The following MYO5B variants were observed in gnomAD, a reference collection of about 807,000 sequenced individuals.
MYO5B encodes the protein myosin VB.
Under a neutral mutation model 229.3 loss-of-function variants are expected in MYO5B, and 143 were observed. The observed-to-expected ratio is 0.62, with a 90% confidence interval of 0.54 to 0.72. The LOEUF (loss-of-function observed/expected upper bound fraction) is 0.72. MYO5B is among the 30% of genes least tolerant of loss of function. MYO5B has a pLI of 0.00. For synonymous variants in MYO5B, 918 were observed against 885.2 expected (o/e 1.04, Z -0.66); for missense variants, 2,321 against 2,331.0 (o/e 1.00, Z 0.09).
chr18:50,034,988 A>C (rs1418025207), intron 4 of MYO5B, among the ~76,000 whole-genome samples: 2 of 152,162 alleles, frequency 1.3e-5, no homozygotes, highest in Non-Finnish European at 2.9e-5. Context: ...TCATTACCCT[A>C]GGGCAAGACA....
At chr18:49,922,230 C>T (rs959469540) in intron 17 of MYO5B, among the ~76,000 whole-genome samples, 6 of 152,236 alleles carry the variant, frequency 3.9e-5, no homozygotes, top group Non-Finnish European at 7.3e-5. Context: ...ATCCACTAAA[C>T]CTCACTTGCT....
At chr18:50,190,012 C>G (rs2033205927) in intron 1 of MYO5B, among the ~76,000 whole-genome samples, 1 of 152,132 alleles carries the variant, frequency 6.6e-6, no homozygotes, top group Non-Finnish European at 1.5e-5. Context: ...CAGACACTAC[C>G]TATCAATTAG....
chr18:49,839,486 T>C lies in MYO5B; in HGVS notation c.4702-192A>G, dbSNP rs184745755. The C allele has an allele frequency of 4.6e-4, 298 of 647,416 alleles. No individual in the cohort carries two copies. In the African/African-American group the frequency reaches 4.9e-3, roughly 11 times the overall value. 40.1% of individuals were successfully genotyped at this position (647,416 alleles called of 1,614,324 possible). A position where few individuals can be genotyped will look rare whatever the true frequency, so the allele number is the denominator to read the frequency against. On this transcript the variant is annotated intron_variant, in intron 35 of 39. Coordinates refer to ENST00000285039, the MANE Select transcript of MYO5B (RefSeq NM_001080467.3). ...ATTGATGACCCTTGAACTTGAAGGATGTAGAAAAACTCAACATGAGAGAGA... is the reference window on the plus strand; with the variant it reads ...ATTGATGACCCTTGAACTTGAAGGACGTAGAAAAACTCAACATGAGAGAGA...
At chr18:50,047,088 T>C (rs1026805903) in intron 2 of MYO5B, among the ~76,000 whole-genome samples, 2 of 152,054 alleles carry the variant, frequency 1.3e-5, no homozygotes, top group Admixed American at 1.3e-4. Context: ...AATTGACAAA[T>C]GGGATCTAAT....
intron 16 of MYO5B, among the ~76,000 whole-genome samples, chr18:49,932,365 C>A (rs1306308881): frequency 1.3e-5 from 2 of 152,176 alleles, no homozygotes; most frequent in Non-Finnish European, 2.9e-5. Flanking sequence ...TGGAGCTGGT[C>A]CCCAGAAGGC....
intron 14 of MYO5B, among the ~76,000 whole-genome samples, chr18:49,949,025 G>C (rs372729564): frequency 5.9e-5 from 9 of 152,136 alleles, no homozygotes; most frequent in African/African-American, 1.7e-4. Context: ...ATGAACTCAG[G>C]GTAAGTAGCT....
rs144277241 is a variant in MYO5B, at chr18:50,153,781, A to C, written c.27+40986T>G. 2.1e-3 allele frequency among the ~76,000 whole-genome samples: 319 copies of C among 151,966 alleles called. 3 individuals carry two copies. Among genetic ancestry groups the C allele is most frequent in the African/African-American group, 7.4e-3 (307 of 41,462 alleles). ...TCTTTATGGAAATAAAATCAACTCT[A>C]CCCTTGAGTGGGGAAGTGAGTGAGT... On this transcript the variant is annotated intron_variant, in intron 1 of 39. Coordinates refer to ENST00000285039, the MANE Select transcript of MYO5B (RefSeq NM_001080467.3).
At chr18:49,955,330 A>G (rs570556370) in intron 12 of MYO5B, among the ~76,000 whole-genome samples, 1 of 152,300 alleles carries the variant, frequency 6.6e-6, no homozygotes, top group African/African-American at 2.4e-5. Flanking sequence ...CCACCACTCA[A>G]ATTGTCAAGG....
chr18:50,171,258 C>T lies in MYO5B; in HGVS notation c.27+23509G>A, dbSNP rs145815906. 2.0e-3 allele frequency among the ~76,000 whole-genome samples: 252 copies of T among 127,892 alleles called. 59 individuals are homozygous for T. Among genetic ancestry groups the T allele is most frequent in the African/African-American group, 6.9e-3 (233 of 33,828 alleles). 83.9% of individuals were successfully genotyped at this position (127,892 alleles called of 152,430 possible). ...TAATCATCCAAGAGATATTAAATAACACTGCAGGCCAACGACAGCAGCAGA... is the reference window on the plus strand; with the variant it reads ...TAATCATCCAAGAGATATTAAATAATACTGCAGGCCAACGACAGCAGCAGA... On this transcript the variant is annotated intron_variant, in intron 1 of 39. Coordinates refer to ENST00000285039, the MANE Select transcript of MYO5B (RefSeq NM_001080467.3).
intron 5 of MYO5B, among the ~76,000 whole-genome samples, chr18:49,999,733 C>T (rs992879887): frequency 5.9e-5 from 9 of 152,312 alleles, no homozygotes; most frequent in South Asian, 2.1e-4. Flanking sequence ...GGTACCCAGA[C>T]GGGCAACACC....
At chr18:50,011,203 G>T (rs1014429625) in intron 4 of MYO5B, among the ~76,000 whole-genome samples, 1 of 152,126 alleles carries the variant, frequency 6.6e-6, no homozygotes, top group East Asian at 1.9e-4. Context: ...TTAGCCGGGC[G>T]TGGTGGCGGG....
At chr18:49,875,891 C>T in intron 25 of MYO5B, 64 bp from the exon 26 acceptor site, 1 of 1,580,314 alleles carries the variant, frequency 6.3e-7, no homozygotes, top group Non-Finnish European at 8.7e-7. Flanking sequence ...GAACACACAG[C>T]ACTTCACTGC....
chr18:49,864,897 TTTG>T (rs2024378816), intron 27 of MYO5B, among the ~76,000 whole-genome samples: 1 of 152,196 alleles, frequency 6.6e-6, no homozygotes, highest in African/African-American at 2.4e-5. Flanking sequence ...GGGACACAGT[TTTG>T]TTGTTTTGGT....
At chr18:50,042,682 G>C (rs1426434381) in intron 2 of MYO5B, among the ~76,000 whole-genome samples, 4 of 152,122 alleles carry the variant, frequency 2.6e-5, no homozygotes, top group Non-Finnish European at 5.9e-5. Flanking sequence ...TTCTTAGCAG[G>C]ATTCTAATCA....
intron 2 of MYO5B, among the ~76,000 whole-genome samples, chr18:50,049,886 G>A (rs1331797632): frequency 4.6e-5 from 7 of 152,120 alleles, no homozygotes; most frequent in Admixed American, 6.5e-5. Context: ...GCAGACAGAC[G>A]GTGGTGATGG....
intron 1 of MYO5B, among the ~76,000 whole-genome samples, chr18:50,120,983 G>A (rs1229260397): frequency 2.6e-5 from 4 of 152,304 alleles, no homozygotes; most frequent in South Asian, 4.1e-4. Context: ...CCTCCAGCCC[G>A]GGAGTCAGCA....
intron 27 of MYO5B, among the ~76,000 whole-genome samples, chr18:49,867,795 C>A (rs2024413680): frequency 6.6e-6 from 1 of 152,142 alleles, no homozygotes; most frequent in Non-Finnish European, 1.5e-5. Context: ...TAAAACTGAT[C>A]CGTGTTCCAT....
chr18:50,187,730 T>C (rs2033168647), intron 1 of MYO5B, among the ~76,000 whole-genome samples: 1 of 152,160 alleles, frequency 6.6e-6, no homozygotes, highest in East Asian at 1.9e-4. Context: ...TTGTCCAGGC[T>C]AGTCTCGAAC....
At chr18:49,867,779 A>G (rs2024413541) in intron 27 of MYO5B, among the ~76,000 whole-genome samples, 1 of 152,216 alleles carries the variant, frequency 6.6e-6, no homozygotes, top group Admixed American at 6.5e-5. Context: ...TAAGATTTTA[A>G]GCCAGTAAAA....
Sources: allele counts gnomAD v4.1 joint callset (sites outside exome capture counted in the v4.1 genomes callset), GRCh38; gene constraint gnomAD v4.1.1; transcripts MANE v1.5; gene names NCBI Gene and HGNC (gene_info 2026-07-23, HGNC 2026-07-21).